The following PLEKHM1 variants were observed in gnomAD, a reference collection of about 807,000 sequenced individuals.
The protein encoded by PLEKHM1 is pleckstrin homology domain-containing family M member 1.
A neutral mutation model predicts 94.3 loss-of-function variants in PLEKHM1; 28 were observed. The ratio of observed to expected loss-of-function variants is 0.30; its 90% CI spans 0.22 to 0.41. The LOEUF is 0.41. PLEKHM1 is among the 10% of genes least tolerant of loss of function. The pLI is 1.00. For missense variants in PLEKHM1, 907 were observed against 1,358.6 expected (o/e 0.67, Z 5.22); for synonymous variants, 424 against 581.2 (o/e 0.73, Z 3.89).
chr17:45,438,751 T>A (rs1700217457), intron 11 of PLEKHM1, among the ~76,000 whole-genome samples: 1 of 151,908 alleles, frequency 6.6e-6, no homozygotes, highest in South Asian at 2.1e-4. Context: ...GAGACGGGGT[T>A]TCACCATGTT....
chr17:45,439,902 T>C (rs1169226556), intron 10 of PLEKHM1: 13 of 639,466 alleles, frequency 2.0e-5, no homozygotes, highest in African/African-American at 3.6e-5. Flanking sequence ...TACCCTCCCC[T>C]TGGGGAAAGG....
rs375365292 is a variant in PLEKHM1, at chr17:45,450,579, C to T, written c.2643+39G>A. On this transcript the variant is annotated intron_variant, in intron 8 of 11. Coordinates refer to ENST00000430334, the MANE Select transcript of PLEKHM1 (RefSeq NM_014798.3). ...GCAGCAAAGAGGAGTGAACACCCCT[C>T]TGTCCCTCAGCAGCTGGGCTGCTGG... 3.5e-4 allele frequency: 567 copies of T among 1,612,344 alleles called. 1 individual carries two copies. The highest frequency in any genetic ancestry group is 4.7e-4 in the Non-Finnish European group (552 of 1,179,426).
At chr17:45,452,923 T>C (rs904581739) in intron 7 of PLEKHM1, 1 of 272,900 alleles carries the variant, frequency 3.7e-6, no homozygotes, top group African/African-American at 2.2e-5. Flanking sequence ...GAAAGTTCTA[T>C]TGGACAGCAC....
intron 4 of PLEKHM1, among the ~76,000 whole-genome samples, chr17:45,469,218 G>A (rs1178001603): frequency 1.3e-5 from 2 of 152,200 alleles, no homozygotes; most frequent in African/African-American, 2.4e-5. Context: ...TATACCAGGT[G>A]TGTGAGGGTG....
intron 2 of PLEKHM1, among the ~76,000 whole-genome samples, chr17:45,481,798 G>A (rs1044436086): frequency 1.3e-5 from 2 of 152,088 alleles, no homozygotes; most frequent in African/African-American, 4.8e-5. Context: ...TTCAAGCAGA[G>A]TTCTCTGAGC....
intron 1 of PLEKHM1, among the ~76,000 whole-genome samples, chr17:45,490,050 T>G (rs904524051): frequency 2.6e-5 from 4 of 152,010 alleles, no homozygotes; most frequent in African/African-American, 7.2e-5. Flanking sequence ...CAGTTAAGAC[T>G]TGGAATAAGG....
rs2050844272 is a variant in PLEKHM1 at position 45,453,641 on chromosome 17, G to C, written c.2211C>G (p.Asp737Glu). ...GVETIRDILP[D>E]TSLGGPSFFK... The stretch of plus-strand genomic sequence containing the variant: ...AGAAGGATGGGCCCCCAAGGCTGGT[G>C]TCTGGCAGGATGTCCCGGATGGTCT... The change falls in exon 7 of 12, where the codon GAC becomes GAG. Residue 737 changes from aspartate (D) to glutamate (E), a missense_variant. Around this residue, in one of 3 missense-constraint regions of PLEKHM1, gnomAD observed 254 missense variants for 451.1 expected, o/e 0.56. Transcript: ENST00000430334. This position sits in a 1 kb window ranked among gnomAD's most constrained non-coding sequence, Gnocchi z 4.1. 1.1e-5 allele frequency: 18 copies of C among 1,611,958 alleles called. No homozygotes were observed. The highest frequency in any genetic ancestry group is 1.5e-5 in the Non-Finnish European group (18 of 1,179,014).
intron 3 of PLEKHM1, among the ~76,000 whole-genome samples, chr17:45,476,264 C>CA (rs1195593682): frequency 3.3e-5 from 5 of 150,116 alleles, no homozygotes; most frequent in Admixed American, 6.7e-5. Flanking sequence ...TTCCAACTAC[C>CA]ACGGGGCCCC....
chr17:45,462,305 C>T (rs1204453393), intron 5 of PLEKHM1, among the ~76,000 whole-genome samples: 1 of 152,048 alleles, frequency 6.6e-6, no homozygotes, highest in South Asian at 2.1e-4. Flanking sequence ...GGACCATCCA[C>T]AACACTAGAT....
At chr17:45,458,637 A>T (rs56952629) in intron 5 of PLEKHM1, among the ~76,000 whole-genome samples, 198 bp from the exon 6 acceptor site, 1 of 151,892 alleles carries the variant, frequency 6.6e-6, no homozygotes, top group Non-Finnish European at 1.5e-5. Flanking sequence ...TGCCCAGCTA[A>T]TTTTTGTATT....
At chr17:45,476,200 A>T (rs1339820910) in intron 3 of PLEKHM1, 4 of 110,840 alleles carry the variant, frequency 3.6e-5, no homozygotes, top group Admixed American at 1.0e-4. Flanking sequence ...TTTATACATT[A>T]TATATATATA....
At chr17:45,485,637 C>T (rs1428837997) in intron 1 of PLEKHM1, among the ~76,000 whole-genome samples, 1 of 152,116 alleles carries the variant, frequency 6.6e-6, no homozygotes, top group East Asian at 1.9e-4. Flanking sequence ...GTGGCCCACA[C>T]CTGTAATCCC....
At chr17:45,463,934 G>A (rs2145264173) in intron 5 of PLEKHM1, 1 of 152,286 alleles carries the variant, frequency 6.6e-6, no homozygotes, top group South Asian at 2.1e-4. Flanking sequence ...GTGAGACGAA[G>A]GTCTCTGGGA....
At chr17:45,457,089 T>C (rs1471409909) in intron 6 of PLEKHM1, among the ~76,000 whole-genome samples, 1 of 151,316 alleles carries the variant, frequency 6.6e-6, no homozygotes, top group Non-Finnish European at 1.5e-5. Context: ...ACTGAGGCAC[T>C]TGAGCTGGGA....
At position 45,454,225 on chromosome 17, in the gene PLEKHM1, G is replaced by A. The variant is rs1278142171; in HGVS notation, c.1627C>T (p.Arg543Trp). Residue 543 changes from arginine to tryptophan, a missense_variant, in exon 7 of 12, where the codon CGG (arginine) becomes TGG (tryptophan). Around this residue, in one of 3 missense-constraint regions of PLEKHM1, gnomAD observed 477 missense variants for 601.5 expected, o/e 0.79. Transcript: ENST00000430334. Reference protein sequence around the residue: ...RGLMKLGTVERRGAMGIWKEL... With the variant: ...RGLMKLGTVEWRGAMGIWKEL... ...TTCCAGATGCCCATTGCCCCCCGCCGCTCCACGGTGCCCAGCTTCATGAGA... is the reference window on the plus strand; with the variant it reads ...TTCCAGATGCCCATTGCCCCCCGCCACTCCACGGTGCCCAGCTTCATGAGA... 6.2e-6 allele frequency: 10 copies of A among 1,611,152 alleles called. No homozygotes were observed. The highest frequency in any genetic ancestry group is 2.2e-5 in the East Asian group (1 of 44,748).
intron 1 of PLEKHM1, among the ~76,000 whole-genome samples, chr17:45,486,638 A>G (rs2052140984): frequency 6.6e-6 from 1 of 152,196 alleles, no homozygotes; most frequent in Non-Finnish European, 1.5e-5. Context: ...GAGAAGGGTC[A>G]CTTGGCCTAA....
At chr17:45,478,579 T>G (rs555963951) in intron 2 of PLEKHM1, among the ~76,000 whole-genome samples, 1 of 152,294 alleles carries the variant, frequency 6.6e-6, no homozygotes, top group East Asian at 1.9e-4. Flanking sequence ...AGAGAATCAA[T>G]AAGCCAAGAG....
chr17:45,477,870 CAAA>C, intron 3 of PLEKHM1, 27 bp downstream of exon 3: 3 of 1,612,476 alleles, frequency 1.9e-6, no homozygotes, highest in Non-Finnish European at 2.5e-6. Flanking sequence ...TGCTCCTCCG[CAAA>C]GCAAAACCTC....
intron 5 of PLEKHM1, among the ~76,000 whole-genome samples, chr17:45,461,090 T>C (rs1048907791): frequency 6.6e-6 from 1 of 152,124 alleles, no homozygotes; most frequent in Non-Finnish European, 1.5e-5. Context: ...TGTTTCACCA[T>C]GTTAGCCAGG....
Sources: gnomAD v4.1 joint callset for allele counts (sites outside exome capture counted in the v4.1 genomes callset) on GRCh38, gnomAD v4.1.1 for gene constraint, gnomAD v4.1.1 regional missense constraint, Gnocchi (gnomAD v3.1) non-coding constraint, MANE v1.5 for transcripts, NCBI Gene and HGNC (gene_info 2026-07-23, HGNC 2026-07-21) for gene names.